DPP10: variants seen among roughly 807,000 people sequenced by gnomAD.
The protein encoded by DPP10 is inactive dipeptidyl peptidase 10.
In DPP10, 33 loss-of-function variants were observed where a neutral mutation model predicts 120.9. The observed-to-expected ratio is 0.27, with a 90% CI of 0.21 to 0.37. DPP10 has a LOEUF of 0.37. Among genes scored for constraint, DPP10 ranks in the 10% least tolerant of loss-of-function variants. DPP10 has a pLI of 1.00. For synonymous variants in DPP10, 337 were observed against 326.1 expected (o/e 1.03, Z -0.36); for missense variants, 816 against 942.8 (o/e 0.87, Z 1.76).
intron 1 of DPP10, among the ~76,000 whole-genome samples, chr2:115,126,936 A>AATAGC (rs1353196875): frequency 2.6e-5 from 4 of 152,234 alleles, no homozygotes; most frequent in African/African-American, 9.6e-5. Context: ...ATATACATTC[A>AATAGC]ATAGCATATT....
chr2:114,861,699 C>T (rs1181079904), intron 1 of DPP10, among the ~76,000 whole-genome samples: 1 of 152,034 alleles, frequency 6.6e-6, no homozygotes, highest in Non-Finnish European at 1.5e-5. Flanking sequence ...TTGCTGGTGG[C>T]TTTGTTCATT....
chr2:114,795,340 A>T (rs1683612597), intron 1 of DPP10, among the ~76,000 whole-genome samples: 1 of 151,884 alleles, frequency 6.6e-6, no homozygotes, highest in Non-Finnish European at 1.5e-5. Flanking sequence ...AAAAAAAAAA[A>T]ATTAGCCTGG....
chr2:114,734,085 T>C (rs1677191424), intron 1 of DPP10, among the ~76,000 whole-genome samples: 1 of 152,188 alleles, frequency 6.6e-6, no homozygotes, highest in Non-Finnish European at 1.5e-5. Flanking sequence ...GGCATAACAC[T>C]ATGAGACAAG....
In DPP10 at chr2:115,238,698, A is replaced by G. The variant is rs550563631; in HGVS notation, c.61-70541A>G. Among the ~76,000 whole-genome samples, 10 of 152,314 alleles carry G rather than the reference A, an allele frequency of 6.6e-5. No homozygotes were observed. In the South Asian group the frequency reaches 2.1e-3, roughly 32 times the overall value. ...CTTCTTATGGATGAGCAAAGATGGAATTTACTCCCAGTAAATACGATGTGA... is the reference window on the plus strand; with the variant it reads ...CTTCTTATGGATGAGCAAAGATGGAGTTTACTCCCAGTAAATACGATGTGA... On this transcript the variant is annotated intron_variant, in intron 1 of 25. Coordinates refer to ENST00000410059, the MANE Select transcript of DPP10 (RefSeq NM_020868.6).
chr2:115,338,650 T>A (rs1266473643), intron 2 of DPP10, among the ~76,000 whole-genome samples: 1 of 152,028 alleles, frequency 6.6e-6, no homozygotes, highest in Non-Finnish European at 1.5e-5. Context: ...ACATTCAAGC[T>A]AATGAAATAA....
intron 4 of DPP10, among the ~76,000 whole-genome samples, chr2:115,504,696 ATATT>A (rs1217197507): frequency 6.6e-6 from 1 of 152,122 alleles, no homozygotes; most frequent in Non-Finnish European, 1.5e-5. Flanking sequence ...ACACCTTTCT[ATATT>A]TAGTTAGGGA....
chr2:115,712,282 G>A (rs2092343479), intron 7 of DPP10, among the ~76,000 whole-genome samples: 1 of 149,700 alleles, frequency 6.7e-6, no homozygotes, highest in African/African-American at 2.5e-5. Context: ...TCACAATAAG[G>A]TTCACACTCC....
intron 1 of DPP10, among the ~76,000 whole-genome samples, chr2:115,255,295 C>T (rs567585146): frequency 3.1e-4 from 47 of 152,294 alleles, no homozygotes; most frequent in African/African-American, 1.0e-3. Flanking sequence ...CCCTTTTAGC[C>T]GTGGCTGGAG....
At chr2:115,727,758 T>A in intron 7 of DPP10, 58 bp from the exon 8 acceptor site, 2 of 1,520,450 alleles carry the variant, frequency 1.3e-6, no homozygotes, top group South Asian at 1.3e-5. Flanking sequence ...AATATTAAAG[T>A]TTCAAAAGGC....
At chr2:114,445,437 T>A (rs1677883239) in intron 1 of DPP10, among the ~76,000 whole-genome samples, 1 of 151,998 alleles carries the variant, frequency 6.6e-6, no homozygotes, top group Non-Finnish European at 1.5e-5. Flanking sequence ...ACAGTTAAAC[T>A]ACGGCTAAAA....
chr2:115,624,448 C>T (rs571014269), intron 5 of DPP10, among the ~76,000 whole-genome samples: 1 of 152,126 alleles, frequency 6.6e-6, no homozygotes, highest in South Asian at 2.1e-4. Context: ...AGTTTGGCAG[C>T]ATGAGATAAA....
intron 21 of DPP10, among the ~76,000 whole-genome samples, chr2:115,833,866 A>G (rs1689178195): frequency 6.6e-6 from 1 of 152,174 alleles, no homozygotes; most frequent in Non-Finnish European, 1.5e-5. Flanking sequence ...AGCATTTCAG[A>G]TAAGGGATAT....
At chr2:114,766,786 T>C (rs1009082509) in intron 1 of DPP10, among the ~76,000 whole-genome samples, 3 of 151,996 alleles carry the variant, frequency 2.0e-5, no homozygotes, top group Middle Eastern at 3.4e-3. Flanking sequence ...GGGGCAGAGA[T>C]AGGGGTAGGA....
chr2:115,713,602 C>A (rs1038238855), intron 7 of DPP10, among the ~76,000 whole-genome samples: 1 of 152,148 alleles, frequency 6.6e-6, no homozygotes, highest in Non-Finnish European at 1.5e-5. Flanking sequence ...GCTCCTTGTT[C>A]TAGAATAAAT....
intron 1 of DPP10, among the ~76,000 whole-genome samples, chr2:114,682,691 A>G (rs908046044): frequency 5.3e-5 from 8 of 151,824 alleles, no homozygotes; most frequent in Admixed American, 2.0e-4. Context: ...TTGGTTCAAA[A>G]GAGCCAAGGA....
intron 1 of DPP10, among the ~76,000 whole-genome samples, chr2:114,578,711 A>G (rs1690256125): frequency 6.6e-6 from 1 of 152,218 alleles, no homozygotes; most frequent in South Asian, 2.1e-4. Context: ...TGCTTTAGTC[A>G]GATTTGGCTG....
intron 1 of DPP10, among the ~76,000 whole-genome samples, chr2:114,618,854 C>T (rs1693868744): frequency 6.6e-6 from 1 of 151,886 alleles, no homozygotes; most frequent in South Asian, 2.1e-4. Flanking sequence ...GCACTATATA[C>T]ATATATAAGA....
At chr2:115,703,596 T>C (rs2091978491) in intron 7 of DPP10, among the ~76,000 whole-genome samples, 1 of 152,044 alleles carries the variant, frequency 6.6e-6, no homozygotes, top group Non-Finnish European at 1.5e-5. Flanking sequence ...GAATTCATTT[T>C]TGGGGGGAAA....
intron 1 of DPP10, among the ~76,000 whole-genome samples, chr2:115,122,425 C>G (rs1275639860): frequency 3.3e-5 from 5 of 152,198 alleles, no homozygotes; most frequent in Non-Finnish European, 7.3e-5. Flanking sequence ...CTCTGTCCTA[C>G]AGGTACTTTG....
Sources: allele counts gnomAD v4.1 joint callset (sites outside exome capture counted in the v4.1 genomes callset), GRCh38; gene constraint gnomAD v4.1.1; transcripts MANE v1.5; gene names NCBI Gene and HGNC (gene_info 2026-07-23, HGNC 2026-07-21).